The following LMO3 variants were observed in gnomAD, a reference collection of about 807,000 sequenced individuals.
LMO3 encodes LIM domain only protein 3.
A neutral mutation model predicts 15.8 loss-of-function variants in LMO3; 2 were observed. The ratio of observed to expected loss-of-function variants is 0.13; its 90% confidence interval spans 0.05 to 0.40. The LOEUF is 0.40. LMO3 is among the 10% of genes least tolerant of loss of function. The pLI, the probability that LMO3 is intolerant of heterozygous loss-of-function variation, is 0.99. For synonymous variants in LMO3, 62 were observed against 63.8 expected, an observed-to-expected ratio of 0.97 and a Z score of 0.13; for missense variants, 86 against 182.2, an observed-to-expected ratio of 0.47 and a Z score of 3.04.
chr12:16,591,130 C>G lies in LMO3; in HGVS notation c.206+9525G>C, dbSNP rs894564960. ...GTATACGGGGCATTGTTTGTTGCAACAGTGATAGGTGGTACCATAGACCTA... is the reference window on the plus strand; with the variant it reads ...GTATACGGGGCATTGTTTGTTGCAAGAGTGATAGGTGGTACCATAGACCTA... On this transcript the variant is annotated intron_variant, in intron 2 of 3. Transcript: ENST00000537304. This position sits in a 1 kb window ranked among gnomAD's most constrained non-coding sequence, Gnocchi z 4.1. Among the ~76,000 whole-genome samples the G allele has an allele frequency of 6.6e-6, 1 of 151,764 alleles. No homozygotes were observed. The highest frequency in any genetic ancestry group is 2.4e-5 in the African/African-American group (1 of 41,310).
intron 2 of LMO3, among the ~76,000 whole-genome samples, chr12:16,590,903 A>G: frequency 6.6e-6 from 1 of 152,056 alleles, no homozygotes; most frequent in East Asian, 1.9e-4. Context: ...CTATTACTTA[A>G]TCACACAGGG....
intron 2 of LMO3, among the ~76,000 whole-genome samples, chr12:16,578,930 TTGAAA>T (rs1943076664): frequency 6.6e-6 from 1 of 152,162 alleles, no homozygotes; most frequent in African/African-American, 2.4e-5. Flanking sequence ...AAAGTCTCAC[TTGAAA>T]TAAAAAGAAA....
In LMO3 at chr12:16,551,145, A is replaced by G; in HGVS notation, c.*77T>C. 1 of 944,498 alleles carries G rather than the reference A, an allele frequency of 1.1e-6. No homozygotes were observed. The allele number at this position is 944,498 out of a possible 1,614,324, so 58.5% of individuals were successfully genotyped here. ...ACGCTATTCAGTAGGTTCCTGTGTCAATTCTTATGTACATGTGGAGCAAAA... is the reference window on the plus strand; with the variant it reads ...ACGCTATTCAGTAGGTTCCTGTGTCGATTCTTATGTACATGTGGAGCAAAA... On this transcript the variant is annotated 3_prime_UTR_variant, in exon 4 of 4. Coordinates refer to ENST00000537304, the MANE Select transcript of LMO3 (RefSeq NM_018640.5).
At chr12:16,590,585 T>G (rs1374850823) in intron 2 of LMO3, among the ~76,000 whole-genome samples, 3 of 151,574 alleles carry the variant, frequency 2.0e-5, no homozygotes, top group African/African-American at 7.3e-5. Context: ...ATCTTTGCAA[T>G]TTGTATTACC....
At chr12:16,605,327 A>C (rs1460825551) in intron 1 of LMO3, 16 of 1,159,804 alleles carry the variant, frequency 1.4e-5, no homozygotes, top group Non-Finnish European at 1.7e-5. Flanking sequence ...CAATCTGAGT[A>C]GTCCCCGTAA....
chr12:16,565,537 A>G (rs1276194460), intron 2 of LMO3, among the ~76,000 whole-genome samples: 1 of 152,212 alleles, frequency 6.6e-6, no homozygotes, highest in Admixed American at 6.5e-5. Flanking sequence ...TAAATGTATT[A>G]TGAAAGTTAA....
At chr12:16,580,999 CTAA>C (rs554717347) in intron 2 of LMO3, among the ~76,000 whole-genome samples, 3 of 152,264 alleles carry the variant, frequency 2.0e-5, no homozygotes, top group African/African-American at 7.2e-5. Context: ...TATTTTATAA[CTAA>C]TGTTTTGATG....
At chr12:16,558,822 CTT>C (rs1043920751) in intron 3 of LMO3, among the ~76,000 whole-genome samples, 17 of 152,222 alleles carry the variant, frequency 1.1e-4, no homozygotes, top group Non-Finnish European at 1.9e-4. Flanking sequence ...AGATAACTAA[CTT>C]TTGAGAACCT....
Position 16,582,289 on chromosome 12 carries a change from G to T in LMO3, c.206+18366C>A, listed in dbSNP as rs1943185835. Among the ~76,000 whole-genome samples the T allele has an allele frequency of 6.6e-6, 1 of 152,150 alleles. No individual in the cohort carries two copies. Among genetic ancestry groups the T allele is most frequent in the Admixed American group, 6.5e-5 (1 of 15,272 alleles). The stretch of plus-strand genomic sequence containing the variant: ...AATACAATGAATTAGATTGAGATAT[G>T]TCCTGGTGTTCATTCTCTGAATTCT... On this transcript the variant is annotated intron_variant, in intron 2 of 3. Coordinates refer to ENST00000537304, the MANE Select transcript of LMO3 (RefSeq NM_018640.5). The surrounding 1 kb of genome is among the most constrained non-coding windows in gnomAD (Gnocchi z 4.1).
At chr12:16,575,860 C>A (rs1214157526) in intron 2 of LMO3, among the ~76,000 whole-genome samples, 2 of 152,080 alleles carry the variant, frequency 1.3e-5, no homozygotes, top group African/African-American at 4.8e-5. Context: ...TCTAGTTCTC[C>A]CTACGTGACA....
rs767787750 is a variant in LMO3 at position 16,586,206 on chromosome 12, T to TCA, written c.206+14448_206+14449insTG. Among the ~76,000 whole-genome samples the TCA allele has an allele frequency of 5.0e-3, 759 of 152,356 alleles. 2 individuals carry two copies. Among genetic ancestry groups the TCA allele is most frequent in the Non-Finnish European group, 7.1e-3 (485 of 68,034 alleles). On this transcript the variant is annotated intron_variant, in intron 2 of 3. Coordinates refer to ENST00000537304, the MANE Select transcript of LMO3 (RefSeq NM_018640.5). This position sits in a 1 kb window ranked among gnomAD's most constrained non-coding sequence, Gnocchi z 4.3. Reference sequence around the variant, plus strand: ...TCAGGTAATCTGCCATAAATACTATTTCCTTCAGATGACTTCTTAAAACAT... The same window carrying TCA: ...TCAGGTAATCTGCCATAAATACTATTCATCCTTCAGATGACTTCTTAAAACAT...
chr12:16,570,916 G>A (rs1942792027), intron 2 of LMO3, among the ~76,000 whole-genome samples: 1 of 152,186 alleles, frequency 6.6e-6, no homozygotes, highest in African/African-American at 2.4e-5. Flanking sequence ...TCAAGAAAAA[G>A]TGCTGTGTAG....
chr12:16,582,845 C>T lies in LMO3; in HGVS notation c.206+17810G>A, dbSNP rs111244740. On this transcript the variant is annotated intron_variant, in intron 2 of 3. Coordinates refer to ENST00000537304, the MANE Select transcript of LMO3 (RefSeq NM_018640.5). This position sits in a 1 kb window ranked among gnomAD's most constrained non-coding sequence, Gnocchi z 4.1. ...AGTGGATCACCTGAGGTCAGGAGTT[C>T]GAGACCAGCCTGGCCAACATGGCGA... is the stretch of plus-strand genomic sequence containing the variant. 2.8e-3 allele frequency among the ~76,000 whole-genome samples: 428 copies of T among 152,028 alleles called. 3 individuals carry two copies. The highest frequency in any genetic ancestry group is 0.012 in the South Asian group (59 of 4,810).
In LMO3 at chr12:16,603,428, C is replaced by A. The variant is rs1943889617; in HGVS notation, c.-8-2560G>T. On this transcript the variant is annotated intron_variant, in intron 1 of 3. Coordinates refer to ENST00000537304, the MANE Select transcript of LMO3 (RefSeq NM_018640.5). This position sits in a 1 kb window ranked among gnomAD's most constrained non-coding sequence, Gnocchi z 4.9. Reference sequence around the variant, plus strand: ...CAGTCAGCAGTCTCCCCTCTTCCACCAGAAGAACATGTCTGGGTAGAGTTA... The same window carrying A: ...CAGTCAGCAGTCTCCCCTCTTCCACAAGAAGAACATGTCTGGGTAGAGTTA... Among the ~76,000 whole-genome samples, 1 of 152,138 alleles carries A rather than the reference C, an allele frequency of 6.6e-6. No homozygotes were observed. The highest frequency in any genetic ancestry group is 1.5e-5 in the Non-Finnish European group (1 of 68,020).
intron 2 of LMO3, among the ~76,000 whole-genome samples, chr12:16,574,721 T>G (rs560431928): frequency 1.3e-5 from 2 of 152,296 alleles, no homozygotes; most frequent in Admixed American, 6.5e-5. Flanking sequence ...CCGCAAAGGA[T>G]TTATCGGCCA....
chr12:16,605,658 CA>C, intron 1 of LMO3: 2 of 1,109,082 alleles, frequency 1.8e-6, no homozygotes, highest in Non-Finnish European at 2.6e-6. Context: ...GGGCTGGGAG[CA>C]AACACTTCCT....
intron 2 of LMO3, chr12:16,594,394 G>C: frequency 1.4e-6 from 1 of 706,308 alleles, no homozygotes; most frequent in Non-Finnish European, 2.1e-6. Context: ...TACAAATGGA[G>C]TTTTATAAAA....
intron 3 of LMO3, among the ~76,000 whole-genome samples, chr12:16,552,594 T>TA (rs1942031087): frequency 6.6e-6 from 1 of 152,014 alleles, no homozygotes; most frequent in African/African-American, 2.4e-5. Flanking sequence ...AATAGTGTAA[T>TA]AAAAAAAGTA....
chr12:16,574,411 T>G (rs1373071993), intron 2 of LMO3, among the ~76,000 whole-genome samples: 1 of 152,112 alleles, frequency 6.6e-6, no homozygotes, highest in Non-Finnish European at 1.5e-5. Flanking sequence ...AGTCACGGAT[T>G]TGCTGCTCTC....
Sources: gnomAD v4.1 joint callset for allele counts (sites outside exome capture counted in the v4.1 genomes callset) on GRCh38, gnomAD v4.1.1 for gene constraint, Gnocchi (gnomAD v3.1) non-coding constraint, MANE v1.5 for transcripts, NCBI Gene and HGNC (gene_info 2026-07-23, HGNC 2026-07-21) for gene names.